The following EIF4A3 variants were observed in gnomAD, a reference collection of about 807,000 sequenced individuals.
EIF4A3 encodes eukaryotic translation initiation factor 4A3.
EIF4A3 carries 1 observed loss-of-function variant against 55.6 expected under a neutral mutation model. That is an observed-to-expected ratio of 0.02 (90% CI 0.01 to 0.09). The LOEUF (loss-of-function observed/expected upper bound fraction) is 0.09. Ranked by LOEUF, EIF4A3 falls within the 10% of genes least tolerant of loss-of-function variation. The probability of loss-of-function intolerance (pLI) is 1.00; values close to 1 mark genes in which losing one functional copy is unlikely to be tolerated. For missense variants in EIF4A3, 221 were observed against 540.7 expected (o/e 0.41, Z 5.86); for synonymous variants, 194 against 196.3 (o/e 0.99, Z 0.10).
chr17:80,146,747 C>T lies in EIF4A3; in HGVS notation c.169+46G>A, dbSNP rs980655847. 1.3e-5 allele frequency: 21 copies of T among 1,581,996 alleles called. No individual in the cohort carries two copies. The African/African-American group carries it at 2.3e-4, about 17-fold the overall frequency. The stretch of plus-strand genomic sequence containing the variant: ...AGTCTGGCCCTCAGCCCCCGGCTCG[C>T]CCCCGACTCGCCCCCGGCTGGCCCC... On this transcript the variant is annotated intron_variant, in intron 1 of 11. Coordinates refer to ENST00000649764, the MANE Select transcript of EIF4A3 (RefSeq NM_014740.4).
chr17:80,143,156 A>G (rs1306443891), intron 2 of EIF4A3, among the ~76,000 whole-genome samples: 1 of 152,194 alleles, frequency 6.6e-6, no homozygotes, highest in Admixed American at 6.5e-5. Context: ...TAAAAACCCA[A>G]GAGGACTGGG....
intron 6 of EIF4A3, 92 bp from the exon 7 acceptor site, chr17:80,139,254 C>A: frequency 6.6e-7 from 1 of 1,523,990 alleles, no homozygotes; most frequent in Non-Finnish European, 8.9e-7. Flanking sequence ...GGGTTAGAGG[C>A]AGAGTGGTGA....
intron 4 of EIF4A3, 61 bp downstream of exon 4, chr17:80,141,258 C>G (rs1273483900): frequency 1.3e-6 from 2 of 1,508,742 alleles, no homozygotes; most frequent in Non-Finnish European, 1.8e-6. Context: ...GTCGGTGTTT[C>G]ACAACTAAAT....
At chr17:80,135,717 GA>G in intron 11 of EIF4A3, 1 of 613,508 alleles carries the variant, frequency 1.6e-6, no homozygotes, top group Non-Finnish European at 2.9e-6. Context: ...CCAACATGGT[GA>G]AACCCCGTCT....
chr17:80,145,142 A>G (rs572012686), intron 1 of EIF4A3, among the ~76,000 whole-genome samples: 1 of 152,366 alleles, frequency 6.6e-6, no homozygotes, highest in African/African-American at 2.4e-5. Flanking sequence ...GTCTTAGGGC[A>G]GGGACTGCCT....
intron 1 of EIF4A3, among the ~76,000 whole-genome samples, chr17:80,146,247 A>G (rs1598607441): frequency 6.6e-6 from 1 of 151,684 alleles, no homozygotes; most frequent in South Asian, 2.1e-4. Flanking sequence ...CCCTCTTCTC[A>G]TAACAGTCTC....
chr17:80,145,905 C>G (rs1386679977), intron 1 of EIF4A3, among the ~76,000 whole-genome samples: 1 of 152,134 alleles, frequency 6.6e-6, no homozygotes. Context: ...GCAGCACAAT[C>G]CTCTCTTCCC....
intron 1 of EIF4A3, 83 bp downstream of exon 1, chr17:80,146,710 C>G (rs1336428376): frequency 3.4e-6 from 5 of 1,491,532 alleles, no homozygotes; most frequent in Non-Finnish European, 2.7e-6. Context: ...CAGGGCCGGC[C>G]CGGGAGTCAC....
At chr17:80,145,393 C>G (rs117379463) in intron 1 of EIF4A3, among the ~76,000 whole-genome samples, 10,323 of 152,088 alleles carry the variant, frequency 0.068, 411 homozygotes, top group Middle Eastern at 0.092. Flanking sequence ...GCAAAATCCC[C>G]TCCCTACTAA....
Position 80,135,240 on chromosome 17 carries a change from C to T in EIF4A3, c.*250G>A. ...AAGTTACTAGAGAAGGTGGTGGCAC[C>T]TTAGAAGTATAGAGTTTATGGGAAA... is the stretch of plus-strand genomic sequence containing the variant. On this transcript the variant is annotated 3_prime_UTR_variant, in exon 12 of 12. Transcript: ENST00000649764. The T allele has an allele frequency of 2.4e-6, 1 of 411,638 alleles. No homozygotes were observed. Among genetic ancestry groups the T allele is most frequent in the Non-Finnish European group, 4.3e-6 (1 of 230,062 alleles). 25.5% of individuals were successfully genotyped at this position (411,638 alleles called of 1,614,324 possible).
chr17:80,137,221 C>T (rs1167414817), intron 9 of EIF4A3, 165 bp downstream of exon 9: 1 of 559,340 alleles, frequency 1.8e-6, no homozygotes, highest in Non-Finnish European at 3.1e-6. Context: ...GCACAGCGGA[C>T]CCCTCCTTAA....
chr17:80,137,648 T>C (rs552229166), intron 8 of EIF4A3, 147 bp from the exon 9 acceptor site: 2 of 659,082 alleles, frequency 3.0e-6, no homozygotes, highest in South Asian at 2.1e-5. Context: ...TAACTGGATG[T>C]AAAAACTTTT....
intron 8 of EIF4A3, 42 bp from the exon 9 acceptor site, chr17:80,137,543 C>A: frequency 1.3e-6 from 2 of 1,527,648 alleles, no homozygotes; most frequent in East Asian, 2.3e-5. Context: ...GCTAGTATAC[C>A]AAAGCAGAGA....
Position 80,137,505 on chromosome 17 carries a change from C to T in EIF4A3, c.868-4G>A. ...TTTTCTCCGTCAGCCAGTCCACCTA[C>T]AAATCCAATCAACAGATGCTACTGC... On this transcript the variant is annotated splice_polypyrimidine_tract_variant and splice_region_variant and intron_variant, in intron 8 of 11. Coordinates refer to ENST00000649764, the MANE Select transcript of EIF4A3 (RefSeq NM_014740.4). The T allele has an allele frequency of 6.2e-7, 1 of 1,611,636 alleles. No individual in the cohort carries two copies. The highest frequency in any genetic ancestry group is 8.5e-7 in the Non-Finnish European group (1 of 1,178,534).
At chr17:80,141,927 G>C in intron 2 of EIF4A3, 79 bp from the exon 3 acceptor site, 1 of 1,197,486 alleles carries the variant, frequency 8.4e-7, no homozygotes, top group Non-Finnish European at 1.2e-6. Flanking sequence ...CTGGGCTCCA[G>C]AGGCACTTAG....
rs999385092 is a variant in EIF4A3, at chr17:80,146,772, CCGCGGCCCG to C, written c.169+12_169+20del. The stretch of plus-strand genomic sequence containing the variant: ...CCCCCGACTCGCCCCCGGCTGGCCC[CCGCGGCCCG>C]CGCCCGCTCACCGTAAGCGTAGATG... On this transcript the variant is annotated intron_variant, in intron 1 of 11. Coordinates refer to ENST00000649764, the MANE Select transcript of EIF4A3 (RefSeq NM_014740.4). 1.3e-5 allele frequency: 21 copies of C among 1,600,464 alleles called. No individual in the cohort carries two copies. Among genetic ancestry groups the C allele is most frequent in the African/African-American group, 4.1e-5 (3 of 74,034 alleles).
chr17:80,145,961 T>C (rs956063313), intron 1 of EIF4A3, among the ~76,000 whole-genome samples: 1 of 152,138 alleles, frequency 6.6e-6, no homozygotes. Context: ...CTCTCCTGCC[T>C]TGCCTCGCCT....
At position 80,147,098 on chromosome 17, in the gene EIF4A3, G is replaced by GACCTCGCTGTGCCGCTGCCA; in HGVS notation, c.-138_-137insTGGCAGCGGCACAGCGAGGT. 7.8e-7 allele frequency: 1 copy of GACCTCGCTGTGCCGCTGCCA among 1,286,860 alleles called. No homozygotes were observed. The highest frequency in any genetic ancestry group is 1.0e-6 in the Non-Finnish European group (1 of 992,126). 79.7% of individuals were successfully genotyped at this position (1,286,860 alleles called of 1,614,324 possible). ...CTGCCGACCTCGCTGTGCCGCTGCC[G>GACCTCGCTGTGCCGCTGCCA]ACCTCGCTGTGCCGCTGCCGACCTC... is the stretch of plus-strand genomic sequence containing the variant. On this transcript the variant is annotated 5_prime_UTR_variant, in exon 1 of 12. Coordinates refer to ENST00000649764, the MANE Select transcript of EIF4A3 (RefSeq NM_014740.4).
chr17:80,134,667 T>A lies in EIF4A3; in HGVS notation c.*823A>T, dbSNP rs984009782. On this transcript the variant is annotated 3_prime_UTR_variant, in exon 12 of 12. Coordinates refer to ENST00000649764, the MANE Select transcript of EIF4A3 (RefSeq NM_014740.4). Reference sequence around the variant, plus strand: ...AGTGAGACCCTGTCTCTACAAAAAATTTAAATATTAGCCAGATGTGCTGGC... The same window carrying A: ...AGTGAGACCCTGTCTCTACAAAAAAATTAAATATTAGCCAGATGTGCTGGC... Among the ~76,000 whole-genome samples the A allele has an allele frequency of 1.3e-5, 2 of 151,770 alleles. No homozygotes were observed. Among genetic ancestry groups the A allele is most frequent in the Non-Finnish European group, 2.9e-5 (2 of 67,968 alleles).
Sources: gnomAD v4.1 joint callset for allele counts (sites outside exome capture counted in the v4.1 genomes callset) on GRCh38, gnomAD v4.1.1 for gene constraint, MANE v1.5 for transcripts, NCBI Gene and HGNC (gene_info 2026-07-23, HGNC 2026-07-21) for gene names.